DCUN1D3: variants seen among roughly 807,000 people sequenced by gnomAD.
The protein encoded by DCUN1D3 is defective in cullin neddylation 1 domain containing 3.
A neutral mutation model predicts 24.8 loss-of-function variants in DCUN1D3; 6 were observed. That is an observed-to-expected ratio of 0.24 (90% confidence interval 0.13 to 0.48). The LOEUF (loss-of-function observed/expected upper bound fraction) is 0.48, where lower values mean the gene tolerates loss of function less well. DCUN1D3 is among the 20% of genes least tolerant of loss of function. The pLI is 0.99. For missense variants in DCUN1D3, 258 were observed against 379.4 expected, an observed-to-expected ratio of 0.68 and a Z score of 2.66; for synonymous variants, 120 against 144.9, an observed-to-expected ratio of 0.83 and a Z score of 1.24.
chr16:20,869,272 C>A (rs1039105886), intron 1 of DCUN1D3, among the ~76,000 whole-genome samples: 3 of 152,232 alleles, frequency 2.0e-5, no homozygotes, highest in South Asian at 2.1e-4. Flanking sequence ...CAGAACAGAA[C>A]CACCACAGAG....
At chr16:20,880,745 T>C (rs1367291983) in intron 1 of DCUN1D3, among the ~76,000 whole-genome samples, 1 of 151,772 alleles carries the variant, frequency 6.6e-6, no homozygotes, top group East Asian at 1.9e-4. Flanking sequence ...CAAATCTACC[T>C]AAATGCAGAG....
At chr16:20,863,783 A>T (rs149352808) in intron 1 of DCUN1D3, among the ~76,000 whole-genome samples, 1 of 152,270 alleles carries the variant, frequency 6.6e-6, no homozygotes, top group East Asian at 1.9e-4. Context: ...CACACAGACC[A>T]ATGGAACAGA....
chr16:20,860,538 C>T lies in DCUN1D3; in HGVS notation c.432-169G>A, dbSNP rs1348216721. Reference sequence around the variant, plus strand: ...TACTTGTCAAATGGTAAAAATACCACCTTACTTCATAGGGTTTTGGTGAGG... The same window carrying T: ...TACTTGTCAAATGGTAAAAATACCATCTTACTTCATAGGGTTTTGGTGAGG... On this transcript the variant is annotated intron_variant, in intron 2 of 2. Coordinates refer to ENST00000324344, the MANE Select transcript of DCUN1D3 (RefSeq NM_173475.4). The surrounding 1 kb of genome is among the most constrained non-coding windows in gnomAD (Gnocchi z 4.3). Among the ~76,000 whole-genome samples the T allele has an allele frequency of 2.0e-5, 3 of 152,224 alleles. No individual in the cohort carries two copies. The highest frequency in any genetic ancestry group is 7.2e-5 in the African/African-American group (3 of 41,454).
intron 1 of DCUN1D3, among the ~76,000 whole-genome samples, chr16:20,863,866 T>C (rs950843016): frequency 6.6e-6 from 1 of 152,114 alleles, no homozygotes. Flanking sequence ...AAACAAGCAA[T>C]GGGGAAAAGA....
chr16:20,872,231 T>C (rs1479020463), intron 1 of DCUN1D3, among the ~76,000 whole-genome samples: 2 of 152,130 alleles, frequency 1.3e-5, no homozygotes, highest in African/African-American at 2.4e-5. Context: ...TGAAAATTAG[T>C]GAACTGGAGA....
intron 1 of DCUN1D3, among the ~76,000 whole-genome samples, chr16:20,890,094 C>T (rs916919206): frequency 6.6e-6 from 1 of 152,152 alleles, no homozygotes; most frequent in Non-Finnish European, 1.5e-5. Context: ...TTGCCCTATG[C>T]GTCTCTTCCA....
intron 1 of DCUN1D3, among the ~76,000 whole-genome samples, chr16:20,899,498 T>C (rs1394361213): frequency 6.7e-6 from 1 of 150,342 alleles, no homozygotes; most frequent in African/African-American, 2.5e-5. Flanking sequence ...TCAAAAGAGG[T>C]AACCAAGGCA....
chr16:20,877,637 A>T (rs1241661292), intron 1 of DCUN1D3, among the ~76,000 whole-genome samples: 1 of 152,252 alleles, frequency 6.6e-6, no homozygotes, highest in East Asian at 1.9e-4. Context: ...TAAATGCTGA[A>T]TCTGAGATGT....
chr16:20,867,466 T>A (rs570205779), intron 1 of DCUN1D3, among the ~76,000 whole-genome samples: 1 of 152,310 alleles, frequency 6.6e-6, no homozygotes, highest in South Asian at 2.1e-4. Context: ...GCCCTAAACG[T>A]GTGACGTTTT....
At chr16:20,897,751 T>A (rs768958662) in intron 1 of DCUN1D3, among the ~76,000 whole-genome samples, 13 of 152,176 alleles carry the variant, frequency 8.5e-5, no homozygotes, top group Non-Finnish European at 1.5e-4. Context: ...TGTCCTCAAT[T>A]GAACATCCTG....
intron 1 of DCUN1D3, among the ~76,000 whole-genome samples, chr16:20,881,007 G>A (rs1007018342): frequency 1.3e-5 from 2 of 152,108 alleles, no homozygotes; most frequent in Non-Finnish European, 2.9e-5. Flanking sequence ...CTCCGATAGA[G>A]TGGTTTTTTG....
At chr16:20,868,930 T>G (rs2081775540) in intron 1 of DCUN1D3, 1 of 152,482 alleles carries the variant, frequency 6.6e-6, no homozygotes, top group Non-Finnish European at 1.5e-5. Context: ...GCTCAGCTTC[T>G]GCTGGACCAA....
rs544289895 is a variant in DCUN1D3 at position 20,860,459 on chromosome 16, C to T, written c.432-90G>A. 79 of 1,372,014 alleles carry T rather than the reference C, an allele frequency of 5.8e-5. No homozygotes were observed. Among genetic ancestry groups the T allele is most frequent in the Admixed American group, 7.4e-5 (3 of 40,344 alleles). 85.0% of individuals were successfully genotyped at this position (1,372,014 alleles called of 1,614,324 possible). A position where few individuals can be genotyped will look rare whatever the true frequency, so the allele number is the denominator to read the frequency against. ...AGTGATTAAGAGCAAGGCTTTCAGG[C>T]CAGATGGTCTGAATTTGAATTCTAA... On this transcript the variant is annotated intron_variant, in intron 2 of 2. Coordinates refer to ENST00000324344, the MANE Select transcript of DCUN1D3 (RefSeq NM_173475.4). The surrounding 1 kb of genome is among the most constrained non-coding windows in gnomAD (Gnocchi z 4.3).
intron 1 of DCUN1D3, among the ~76,000 whole-genome samples, chr16:20,892,660 G>A (rs1268591876): frequency 1.3e-5 from 2 of 152,170 alleles, no homozygotes; most frequent in South Asian, 2.1e-4. Flanking sequence ...CACAGGAAAT[G>A]GAAGTCTGGT....
chr16:20,892,932 A>T (rs1025891102), intron 1 of DCUN1D3, among the ~76,000 whole-genome samples: 1 of 152,192 alleles, frequency 6.6e-6, no homozygotes, highest in African/African-American at 2.4e-5. Context: ...CGCTTCACAT[A>T]TGCTTCACTA....
chr16:20,895,731 A>C (rs578229574), intron 1 of DCUN1D3, among the ~76,000 whole-genome samples: 2 of 152,380 alleles, frequency 1.3e-5, no homozygotes, highest in East Asian at 3.9e-4. Context: ...AGAACTAGTG[A>C]AACTAGATTT....
intron 1 of DCUN1D3, among the ~76,000 whole-genome samples, chr16:20,881,143 A>G (rs540644615): frequency 6.6e-6 from 1 of 152,380 alleles, no homozygotes; most frequent in Non-Finnish European, 1.5e-5. Context: ...CAATGCACAC[A>G]TATAAAGCCA....
At position 20,859,479 on chromosome 16, in the gene DCUN1D3, T is replaced by C. The variant is rs1387001690; in HGVS notation, c.*407A>G. ...AACTGAGATCTGGCACTGTATCATT[T>C]TGTAATGTTAATTCAACCTAACAGT... On this transcript the variant is annotated 3_prime_UTR_variant, in exon 3 of 3. Transcript: ENST00000324344. The C allele has an allele frequency of 5.9e-6, 1 of 168,422 alleles. No homozygotes were observed. The highest frequency in any genetic ancestry group is 1.3e-5 in the Non-Finnish European group (1 of 79,402). The allele number at this position is 168,422 out of a possible 1,614,324, so 10.4% of individuals were successfully genotyped here. A position where few individuals can be genotyped will look rare whatever the true frequency, so the allele number is the denominator to read the frequency against.
In DCUN1D3 at chr16:20,860,016, T is replaced by A; in HGVS notation, c.785A>T (p.Glu262Val). Residue 262 changes from glutamate to valine, a missense_variant, in exon 3 of 3, where the codon GAA (glutamate) becomes GTA (valine). Coordinates refer to ENST00000324344, the MANE Select transcript of DCUN1D3 (RefSeq NM_173475.4). The surrounding 1 kb of genome is among the most constrained non-coding windows in gnomAD (Gnocchi z 4.3). ...VIGPDLSNYSEDEAWPSLFDT... is the reference protein window; with the variant it reads ...VIGPDLSNYSVDEAWPSLFDT... ...AAAGAGACTTGGCCAGGCCTCATCT[T>A]CACTGTAGTTGCTGAGGTCAGGGCC... 6.2e-7 allele frequency: 1 copy of A among 1,614,238 alleles called. No homozygotes were observed. The highest frequency in any genetic ancestry group is 8.5e-7 in the Non-Finnish European group (1 of 1,180,046).
Sources: allele counts gnomAD v4.1 joint callset (sites outside exome capture counted in the v4.1 genomes callset), GRCh38; gene constraint gnomAD v4.1.1; non-coding constraint Gnocchi (gnomAD v3.1); transcripts MANE v1.5; gene names NCBI Gene and HGNC (gene_info 2026-07-23, HGNC 2026-07-21).